FRK: variants seen among roughly 807,000 people sequenced by gnomAD.
FRK encodes tyrosine-protein kinase FRK.
In FRK, 51 loss-of-function variants were observed where a neutral mutation model predicts 56.4. That is an observed-to-expected ratio of 0.90 (90% CI 0.72 to 1.14). FRK has a LOEUF of 1.14. Ranked by LOEUF, FRK falls within the 50% of genes most tolerant of loss-of-function variation. FRK has a pLI of 0.00. For synonymous variants in FRK, 245 were observed against 217.9 expected (o/e 1.12, Z -1.10); for missense variants, 570 against 601.4 (o/e 0.95, Z 0.55).
At chr6:116,030,337 C>G (rs930058908) in intron 1 of FRK, among the ~76,000 whole-genome samples, 1 of 152,036 alleles carries the variant, frequency 6.6e-6, no homozygotes, top group African/African-American at 2.4e-5. Flanking sequence ...TTGGGGAATC[C>G]GAGAACTCAG....
At chr6:116,014,082 T>C (rs1029066338) in intron 1 of FRK, among the ~76,000 whole-genome samples, 6 of 152,330 alleles carry the variant, frequency 3.9e-5, no homozygotes, top group South Asian at 2.1e-4. Context: ...ATGATGTCAC[T>C]GAGCTTCATT....
intron 2 of FRK, among the ~76,000 whole-genome samples, chr6:115,998,611 C>T (rs924580658): frequency 2.0e-5 from 3 of 152,196 alleles, no homozygotes; most frequent in Non-Finnish European, 2.9e-5. Flanking sequence ...CCTGACTCCC[C>T]TCAGAGATTT....
chr6:116,085,077 G>A, the FRK span, among the ~76,000 whole-genome samples: 8 of 152,278 alleles, frequency 5.3e-5, no homozygotes, highest in Middle Eastern at 3.4e-3. Flanking sequence ...GTGTGAAAGC[G>A]TGGCTGAGGT....
intron 1 of FRK, among the ~76,000 whole-genome samples, chr6:116,005,290 GGTTTCACTCAGCTCC>G (rs1173318160): frequency 6.6e-5 from 10 of 152,118 alleles, no homozygotes; most frequent in Non-Finnish European, 1.3e-4. Flanking sequence ...TAAGACAACT[GGTTTCACTCAGCTCC>G]AGGTCTATTA....
intron 1 of FRK, among the ~76,000 whole-genome samples, chr6:116,012,473 C>G (rs927855954): frequency 1.3e-5 from 2 of 152,200 alleles, no homozygotes; most frequent in African/African-American, 4.8e-5. Context: ...ATGTAGCATA[C>G]AAAAGCTAGC....
Position 115,942,635 on chromosome 6 carries a change from A to G in FRK, c.1307-10T>C. On this transcript the variant is annotated splice_polypyrimidine_tract_variant and intron_variant, in intron 7 of 7. Coordinates refer to ENST00000606080, the MANE Select transcript of FRK (RefSeq NM_002031.3). ...TGGGCACCTGTCATACCTTGAAAAT[A>G]CAGAACGAAACCAACAACAACAAAA... 1 of 1,604,308 alleles carries G rather than the reference A, an allele frequency of 6.2e-7. No homozygotes were observed. Among genetic ancestry groups the G allele is most frequent in the Non-Finnish European group, 8.5e-7 (1 of 1,172,188 alleles).
At chr6:116,036,776 T>C (rs993830510) in intron 1 of FRK, among the ~76,000 whole-genome samples, 3 of 152,138 alleles carry the variant, frequency 2.0e-5, no homozygotes, top group African/African-American at 7.2e-5. Context: ...GATATCAATG[T>C]ACTTAACTGT....
At chr6:116,044,788 C>CA (rs1776871559) in intron 1 of FRK, among the ~76,000 whole-genome samples, 1 of 152,228 alleles carries the variant, frequency 6.6e-6, no homozygotes, top group Non-Finnish European at 1.5e-5. Flanking sequence ...GAGAGGAAGT[C>CA]AAATTGTCTC....
chr6:116,006,127 A>C (rs1321841290), intron 1 of FRK, among the ~76,000 whole-genome samples: 1 of 152,194 alleles, frequency 6.6e-6, no homozygotes, highest in East Asian at 1.9e-4. Flanking sequence ...ATATAACCCA[A>C]AATAGGATTA....
chr6:116,061,669 T>C (rs1374239175), upstream of FRK, among the ~76,000 whole-genome samples: 1 of 152,198 alleles, frequency 6.6e-6, no homozygotes, highest in Non-Finnish European at 1.5e-5. Context: ...CTCACAAATA[T>C]GTGCCCTGGC....
Position 115,941,645 on chromosome 6 carries a change from T to G in FRK, c.*769A>C, listed in dbSNP as rs1772188166. The G allele has an allele frequency of 6.6e-6, 1 of 152,134 alleles. No individual in the cohort carries two copies. Among genetic ancestry groups the G allele is most frequent in the African/African-American group, 2.4e-5 (1 of 41,428 alleles). 9.4% of individuals were successfully genotyped at this position (152,134 alleles called of 1,614,324 possible). ...TATTTTGATACCTATTTCTCAGACTTTATGGGCTATTAGACATTTCTCACA... is the reference window on the plus strand; with the variant it reads ...TATTTTGATACCTATTTCTCAGACTGTATGGGCTATTAGACATTTCTCACA... On this transcript the variant is annotated 3_prime_UTR_variant, in exon 8 of 8. Coordinates refer to ENST00000606080, the MANE Select transcript of FRK (RefSeq NM_002031.3).
chr6:115,974,543 T>C (rs1197861408), intron 2 of FRK, among the ~76,000 whole-genome samples: 2 of 152,166 alleles, frequency 1.3e-5, no homozygotes, highest in African/African-American at 4.8e-5. Flanking sequence ...GGTTAAAATT[T>C]AATTAGTATA....
At chr6:115,978,020 A>ACAGCATTT (rs1232597985) in intron 2 of FRK, among the ~76,000 whole-genome samples, 1 of 152,194 alleles carries the variant, frequency 6.6e-6, no homozygotes, top group Non-Finnish European at 1.5e-5. Flanking sequence ...TCCCATGAAA[A>ACAGCATTT]CAGCATTTAC....
Position 115,939,335 on chromosome 6 carries a change from A to C in FRK, c.*3079T>G, listed in dbSNP as rs1772112442. The C allele has an allele frequency of 6.6e-6, 1 of 151,918 alleles. No homozygotes were observed. Among genetic ancestry groups the C allele is most frequent in the African/African-American group, 2.4e-5 (1 of 41,368 alleles). 9.4% of individuals were successfully genotyped at this position (151,918 alleles called of 1,614,324 possible). A position where few individuals can be genotyped will look rare whatever the true frequency, so the allele number is the denominator to read the frequency against. Reference sequence around the variant, plus strand: ...ACTAGGTATTGATGGAACGTAGCTCAAAAAAAATGACAGATTTAAGACAAA... The same window carrying C: ...ACTAGGTATTGATGGAACGTAGCTCCAAAAAAATGACAGATTTAAGACAAA... On this transcript the variant is annotated 3_prime_UTR_variant, in exon 8 of 8. Transcript: ENST00000606080.
At position 115,968,864 on chromosome 6, in the gene FRK, T is replaced by A. The variant is rs537447619; in HGVS notation, c.467-125A>T. On this transcript the variant is annotated intron_variant, in intron 2 of 7. Coordinates refer to ENST00000606080, the MANE Select transcript of FRK (RefSeq NM_002031.3). ...ATAAAATTATATGTGTTTCTCAACT[T>A]TGTCTCAGAAAAGATTTAAGAAAGT... 185 of 800,400 alleles carry A rather than the reference T, an allele frequency of 2.3e-4. 1 individual carries two copies. In the South Asian group the frequency reaches 3.6e-3, roughly 16 times the overall value. 49.6% of individuals were successfully genotyped at this position (800,400 alleles called of 1,614,324 possible).
intron 1 of FRK, among the ~76,000 whole-genome samples, chr6:116,037,581 C>T (rs1402555681): frequency 1.3e-5 from 2 of 152,154 alleles, no homozygotes. Flanking sequence ...GCACAATATC[C>T]ACATCCAGCC....
intron 5 of FRK, among the ~76,000 whole-genome samples, chr6:115,951,972 A>G (rs1182067664): frequency 6.6e-6 from 1 of 152,128 alleles, no homozygotes; most frequent in Non-Finnish European, 1.5e-5. Flanking sequence ...TTGGCTGCAT[A>G]AATGTCTTCT....
At chr6:116,075,867 A>G in the FRK span, among the ~76,000 whole-genome samples, 1 of 152,172 alleles carries the variant, frequency 6.6e-6, no homozygotes, top group East Asian at 1.9e-4. Context: ...GTGACAATGA[A>G]AGATAGAGGG....
intron 2 of FRK, among the ~76,000 whole-genome samples, chr6:115,986,203 T>C (rs1020572078): frequency 2.6e-5 from 4 of 152,026 alleles, no homozygotes; most frequent in South Asian, 2.1e-4. Flanking sequence ...GGGGCAACCA[T>C]GACAAACAGC....
Sources: allele counts gnomAD v4.1 joint callset (sites outside exome capture counted in the v4.1 genomes callset), GRCh38; gene constraint gnomAD v4.1.1; transcripts MANE v1.5; gene names NCBI Gene and HGNC (gene_info 2026-07-23, HGNC 2026-07-21).